Variants in COL4A6 observed in about 807,000 individuals in gnomAD.
The protein encoded by COL4A6 is collagen alpha-6(IV) chain.
A neutral mutation model predicts 126.7 loss-of-function variants in COL4A6; 59 were observed. The ratio of observed to expected loss-of-function variants is 0.47; its 90% CI spans 0.38 to 0.58. The LOEUF (loss-of-function observed/expected upper bound fraction) is 0.58, where lower values mean the gene tolerates loss of function less well. Among genes scored for constraint, COL4A6 ranks in the 20% least tolerant of loss-of-function variants. The probability of loss-of-function intolerance (pLI) is 0.00; values close to 1 mark genes in which losing one functional copy is unlikely to be tolerated. For synonymous variants in COL4A6, 547 were observed against 496.6 expected (o/e 1.10, Z -1.35); for missense variants, 1,285 against 1,337.3 (o/e 0.96, Z 0.61).
chrX:108,173,015 G>C (rs1178523868), intron 31 of COL4A6, among the ~76,000 whole-genome samples: 1 of 112,576 alleles, frequency 8.9e-6, no homozygotes, highest in Non-Finnish European at 1.9e-5. Context: ...TATGTGTGCA[G>C]GTGCTGGAGT....
intron 2 of COL4A6, among the ~76,000 whole-genome samples, chrX:108,411,213 C>T (rs1356968541): frequency 9.8e-6 from 1 of 101,617 alleles, no homozygotes; most frequent in Non-Finnish European, 2.1e-5. Context: ...TAATTACATA[C>T]AGAAATCATG....
At chrX:108,406,221 T>C (rs868525830) in intron 2 of COL4A6, among the ~76,000 whole-genome samples, 3 of 111,876 alleles carry the variant, frequency 2.7e-5, no homozygotes, top group Non-Finnish European at 3.8e-5. Flanking sequence ...TCTTCCCAAC[T>C]TGGACTCCCA....
At position 108,179,406 on chromosome X, in the gene COL4A6, G is replaced by A. The variant is rs748867663; in HGVS notation, c.2164C>T (p.Pro722Ser). Reference sequence around the variant, plus strand: ...TTTCCAGGGAGCCCAGGAAACCCAGGCAAGCCCTTCTCCCCACGAGGTCCA... The same window carrying A: ...TTTCCAGGGAGCCCAGGAAACCCAGACAAGCCCTTCTCCCCACGAGGTCCA... ...FPGPRGEKGL[P>S]GFPGLPGKDG... Residue 722 changes from proline to serine, a missense_variant, in exon 26 of 45, where the codon CCT (proline) becomes TCT (serine). Pro to Ser is a moderately conservative substitution (Grantham distance 74). Coordinates refer to ENST00000334504, the MANE Select transcript of COL4A6 (RefSeq NM_033641.4). 1.5e-4 allele frequency: 185 copies of A among 1,207,241 alleles called. No homozygotes were observed. The South Asian group carries it at 2.9e-3, about 19-fold the overall frequency.
At chrX:108,280,779 C>A (rs1334824167) in intron 3 of COL4A6, among the ~76,000 whole-genome samples, 1 of 111,292 alleles carries the variant, frequency 9.0e-6, no homozygotes, top group African/African-American at 3.3e-5. Context: ...AGCAGCACAT[C>A]GAAAAGCTTA....
At chrX:108,301,576 A>G (rs1033027324) in intron 3 of COL4A6, among the ~76,000 whole-genome samples, 1 of 111,436 alleles carries the variant, frequency 9.0e-6, no homozygotes, top group Non-Finnish European at 1.9e-5. Flanking sequence ...ATGGCCACAA[A>G]GGTTTCAGAG....
chrX:108,240,972 G>T (rs2036556553), intron 3 of COL4A6, among the ~76,000 whole-genome samples: 1 of 111,012 alleles, frequency 9.0e-6, no homozygotes, highest in Non-Finnish European at 1.9e-5. Context: ...AGTTAATTTT[G>T]GTGGGTAATA....
chrX:108,329,704 C>T (rs185698044), intron 2 of COL4A6, among the ~76,000 whole-genome samples: 163 of 111,669 alleles, frequency 1.5e-3, no homozygotes, highest in African/African-American at 5.1e-3. Flanking sequence ...TGAAGCTGAG[C>T]AATTGGTACA....
chrX:108,375,678 CT>C (rs142100994), intron 2 of COL4A6, among the ~76,000 whole-genome samples: 1,765 of 95,163 alleles, frequency 0.019, 19 homozygotes, highest in South Asian at 0.042. Context: ...TAGGCTAAAT[CT>C]TTTTTTTTTT....
At chrX:108,230,060 G>T (rs940356405) in intron 3 of COL4A6, among the ~76,000 whole-genome samples, 4 of 111,970 alleles carry the variant, frequency 3.6e-5, no homozygotes, top group Non-Finnish European at 7.5e-5. Context: ...TGACATGAGA[G>T]AACTTAGAGG....
chrX:108,418,078 C>G (rs1280538404), intron 2 of COL4A6, among the ~76,000 whole-genome samples: 1 of 111,871 alleles, frequency 8.9e-6, no homozygotes, highest in African/African-American at 3.2e-5. Flanking sequence ...AACATATTTG[C>G]AGACACCCAA....
intron 2 of COL4A6, among the ~76,000 whole-genome samples, chrX:108,426,800 C>G (rs140550283): frequency 8.9e-6 from 1 of 111,829 alleles, no homozygotes; most frequent in Non-Finnish European, 1.9e-5. Context: ...AATGATTTGT[C>G]CTAAGGCCGT....
intron 3 of COL4A6, 111 bp downstream of exon 3, chrX:108,310,637 G>A: frequency 1.6e-6 from 1 of 624,192 alleles, no homozygotes; most frequent in Non-Finnish European, 2.5e-6. Flanking sequence ...TCATCACTTT[G>A]CTTGTTCCAT....
chrX:108,188,121 G>A (rs762443567), intron 21 of COL4A6, 94 bp from the exon 22 acceptor site: 5 of 700,785 alleles, frequency 7.1e-6, no homozygotes, highest in Non-Finnish European at 8.4e-6. Flanking sequence ...AGAACCTTGG[G>A]TACATATTGG....
chrX:108,323,793 C>T (rs1270205008), intron 2 of COL4A6, among the ~76,000 whole-genome samples: 1 of 112,182 alleles, frequency 8.9e-6, no homozygotes. Flanking sequence ...GTATTCGTTG[C>T]TCACTCTAAC....
At chrX:108,349,832 T>C (rs2039798196) in intron 2 of COL4A6, among the ~76,000 whole-genome samples, 1 of 111,576 alleles carries the variant, frequency 9.0e-6, no homozygotes, top group Admixed American at 9.5e-5. Context: ...ATAGAAGGGA[T>C]ATGGGGGCCT....
chrX:108,237,902 CTAT>C (rs2036473358), intron 3 of COL4A6, among the ~76,000 whole-genome samples: 1 of 84,639 alleles, frequency 1.2e-5, no homozygotes. Context: ...ATCTATCTAT[CTAT>C]CTATGTATCA....
intron 2 of COL4A6, among the ~76,000 whole-genome samples, chrX:108,424,594 A>T (rs1356298329): frequency 9.0e-6 from 1 of 111,586 alleles, no homozygotes. Flanking sequence ...GTAGCATTTT[A>T]TTCTGTCTTA....
At chrX:108,340,291 C>T (rs1255488882) in intron 2 of COL4A6, among the ~76,000 whole-genome samples, 5 of 111,161 alleles carry the variant, frequency 4.5e-5, no homozygotes, top group Admixed American at 1.9e-4. Flanking sequence ...TACTGAGGAG[C>T]TGAAATTTAA....
At chrX:108,361,061 C>T (rs868218258) in intron 2 of COL4A6, among the ~76,000 whole-genome samples, 5 of 111,153 alleles carry the variant, frequency 4.5e-5, no homozygotes, top group Non-Finnish European at 7.5e-5. Flanking sequence ...TTGCAAACAT[C>T]GATTTACCAT....
Sources: allele counts gnomAD v4.1 joint callset (sites outside exome capture counted in the v4.1 genomes callset), GRCh38; gene constraint gnomAD v4.1.1; transcripts MANE v1.5; gene names NCBI Gene and HGNC (gene_info 2026-07-23, HGNC 2026-07-21).